FBLN1: variants seen among roughly 807,000 people sequenced by gnomAD.
The protein encoded by FBLN1 is fibulin 1.
In FBLN1, 34 loss-of-function variants were observed where a neutral mutation model predicts 89.7. The ratio of observed to expected loss-of-function variants is 0.38; its 90% CI spans 0.29 to 0.50. FBLN1 has a LOEUF of 0.50. Ranked by LOEUF, FBLN1 falls within the 20% of genes least tolerant of loss-of-function variation. FBLN1 has a pLI of 0.92. For synonymous variants in FBLN1, 393 were observed against 391.3 expected, an observed-to-expected ratio of 1.00 and a Z score of -0.05; for missense variants, 777 against 988.1, an observed-to-expected ratio of 0.79 and a Z score of 2.86.
At chr22:45,596,828 AATT>A (rs1424010026) in intron 16 of FBLN1, among the ~76,000 whole-genome samples, 6 of 143,084 alleles carry the variant, frequency 4.2e-5, no homozygotes, top group Non-Finnish European at 7.5e-5. Context: ...ATTATATAAT[AATT>A]ATATAAATTT....
rs1350574469 is a variant in FBLN1, at chr22:45,550,020, C to A, written c.1574-472C>A. 6.6e-6 allele frequency among the ~76,000 whole-genome samples: 1 copy of A among 152,294 alleles called. No homozygotes were observed. Among genetic ancestry groups the A allele is most frequent in the South Asian group, 2.1e-4 (1 of 4,822 alleles). ...GGTAAGGGTGCTGAGCCTCGGGAGC[C>A]ACAGAGAGGCTCTGGTTAGTTAGTG... On this transcript the variant is annotated intron_variant, in intron 13 of 16. Coordinates refer to ENST00000327858, the MANE Select transcript of FBLN1 (RefSeq NM_006486.3). This position sits in a 1 kb window ranked among gnomAD's most constrained non-coding sequence, Gnocchi z 8.4.
At chr22:45,544,849 G>C (rs2088606157) in intron 11 of FBLN1, among the ~76,000 whole-genome samples, 1 of 152,156 alleles carries the variant, frequency 6.6e-6, no homozygotes, top group Non-Finnish European at 1.5e-5. Context: ...CTGCATGTCA[G>C]CCCAGGGCCT....
chr22:45,550,679 C>T lies in FBLN1; in HGVS notation c.1697+64C>T, dbSNP rs768456619. The T allele has an allele frequency of 6.6e-5, 107 of 1,612,056 alleles. No individual in the cohort carries two copies. Among genetic ancestry groups the T allele is most frequent in the East Asian group, 2.2e-4 (10 of 44,878 alleles). ...TTGGCCTTCCTGGTGACCCAGTTCC[C>T]GGGTGGGTGGGTTATCAGGCTGTGA... is the stretch of plus-strand genomic sequence containing the variant. On this transcript the variant is annotated intron_variant, in intron 14 of 16. Transcript: ENST00000327858. The surrounding 1 kb of genome is among the most constrained non-coding windows in gnomAD (Gnocchi z 8.4).
rs1441788681 is a variant in FBLN1 at position 45,556,646 on chromosome 22, A to G, written c.1697+6031A>G. Among the ~76,000 whole-genome samples the G allele has an allele frequency of 6.6e-6, 1 of 152,030 alleles. No homozygotes were observed. Among genetic ancestry groups the G allele is most frequent in the African/African-American group, 2.4e-5 (1 of 41,402 alleles). ...ATCTTCATTTTGGAGTAGTAGACTG[A>G]TTTCATCTTGATAGTCTGGGTCAGC... On this transcript the variant is annotated intron_variant, in intron 14 of 16. Transcript: ENST00000327858. The surrounding 1 kb of genome is among the most constrained non-coding windows in gnomAD (Gnocchi z 4.6).
intron 3 of FBLN1, among the ~76,000 whole-genome samples, chr22:45,526,555 T>TA (rs56146060): frequency 0.88 from 133,915 of 152,036 alleles, 59,185 homozygotes; most frequent in Middle Eastern, 0.94. Flanking sequence ...TTCCCGTTCC[T>TA]TTTAGGAAGG....
At chr22:45,521,543 C>T (rs924269290) in intron 2 of FBLN1, among the ~76,000 whole-genome samples, 3 of 152,260 alleles carry the variant, frequency 2.0e-5, no homozygotes, top group African/African-American at 7.2e-5. Context: ...CCCTCCAGCC[C>T]TTCCTGTGTG....
Position 45,596,318 on chromosome 22 carries a change from C to T in FBLN1, c.1973-3989C>T, listed in dbSNP as rs144920655. On this transcript the variant is annotated intron_variant, in intron 16 of 16. Coordinates refer to ENST00000327858, the MANE Select transcript of FBLN1 (RefSeq NM_006486.3). ...CTACTTAGAACGTCTGTGGCAGGTCCCTGTCCCACATGGAGCTCACTGCAT... is the reference window on the plus strand; with the variant it reads ...CTACTTAGAACGTCTGTGGCAGGTCTCTGTCCCACATGGAGCTCACTGCAT... 7.3e-3 allele frequency among the ~76,000 whole-genome samples: 1,117 copies of T among 152,254 alleles called. 23 individuals carry two copies. The highest frequency in any genetic ancestry group is 0.024 in the African/African-American group (1,015 of 41,534).
At chr22:45,547,852 G>A (rs2088652346) in intron 12 of FBLN1, among the ~76,000 whole-genome samples, 1 of 152,062 alleles carries the variant, frequency 6.6e-6, no homozygotes. Flanking sequence ...CTTGGTGGTG[G>A]TGCATGGCTG....
rs1026249993 is a variant in FBLN1 at position 45,530,289 on chromosome 22, G to A, written c.485-976G>A. Among the ~76,000 whole-genome samples the A allele has an allele frequency of 6.6e-6, 1 of 152,086 alleles. No homozygotes were observed. The highest frequency in any genetic ancestry group is 1.5e-5 in the Non-Finnish European group (1 of 68,024). On this transcript the variant is annotated intron_variant, in intron 4 of 16. Coordinates refer to ENST00000327858, the MANE Select transcript of FBLN1 (RefSeq NM_006486.3). This position sits in a 1 kb window ranked among gnomAD's most constrained non-coding sequence, Gnocchi z 5.4. Reference sequence around the variant, plus strand: ...CGGGGGTGGATTTTCACTGATTTATGTCTGCAGCGTGAGCAGTCTCTGGGC... The same window carrying A: ...CGGGGGTGGATTTTCACTGATTTATATCTGCAGCGTGAGCAGTCTCTGGGC...
Position 45,518,734 on chromosome 22 carries a change from C to T in FBLN1, c.132C>T (p.Ala44=), listed in dbSNP as rs1326130141. The change falls in exon 2 of 17, where the codon GCC becomes GCT. Residue 44 remains alanine (A), a synonymous_variant. Transcript: ENST00000327858. ...EACCADGHRM[A]THQKDCSLPY... ...GCTGTGCGGACGGACACCGGATGGC[C>T]ACTCATCAGAAGGACTGCTCGCTGC... 1.9e-6 allele frequency: 3 copies of T among 1,612,430 alleles called. No homozygotes were observed. Among genetic ancestry groups the T allele is most frequent in the East Asian group, 2.2e-5 (1 of 44,812 alleles).
chr22:45,507,058 C>T (rs1035877476), intron 1 of FBLN1, among the ~76,000 whole-genome samples: 1 of 152,142 alleles, frequency 6.6e-6, no homozygotes, highest in African/African-American at 2.4e-5. Context: ...GGGGGAACCA[C>T]TGTGTCAACT....
intron 16 of FBLN1, among the ~76,000 whole-genome samples, chr22:45,596,664 A>G (rs900875207): frequency 2.7e-5 from 4 of 146,532 alleles, no homozygotes; most frequent in African/African-American, 7.6e-5. Flanking sequence ...TAATATAATT[A>G]TGTACATATA....
In FBLN1 at chr22:45,562,897, C is replaced by T. The variant is rs1201769534; in HGVS notation, c.1698-11614C>T. 6.2e-7 allele frequency: 1 copy of T among 1,612,488 alleles called. No individual in the cohort carries two copies. The highest frequency in any genetic ancestry group is 8.5e-7 in the Non-Finnish European group (1 of 1,179,592). On this transcript the variant is annotated intron_variant, in intron 14 of 16. Coordinates refer to ENST00000327858, the MANE Select transcript of FBLN1 (RefSeq NM_006486.3). The surrounding 1 kb of genome is among the most constrained non-coding windows in gnomAD (Gnocchi z 7.8). Reference sequence around the variant, plus strand: ...CCTAACCCTCTTCTTGTCTCTCTGCCCACTTTTCTTGCAGCCGCTGTGAGC... The same window carrying T: ...CCTAACCCTCTTCTTGTCTCTCTGCTCACTTTTCTTGCAGCCGCTGTGAGC...
Position 45,563,001 on chromosome 22 carries a change from A to G in FBLN1, c.1698-11510A>G. 1 of 1,613,296 alleles carries G rather than the reference A, an allele frequency of 6.2e-7. No individual in the cohort carries two copies. On this transcript the variant is annotated intron_variant, in intron 14 of 16. Coordinates refer to ENST00000327858, the MANE Select transcript of FBLN1 (RefSeq NM_006486.3). The surrounding 1 kb of genome is among the most constrained non-coding windows in gnomAD (Gnocchi z 5.7). ...TACTACCACCTCTCTTTCCCCACCA[A>G]CATCCAAGCGCCCGCGGTGGTTTTC...
intron 16 of FBLN1, among the ~76,000 whole-genome samples, chr22:45,584,003 G>C (rs971914757): frequency 1.3e-5 from 2 of 152,164 alleles, no homozygotes; most frequent in African/African-American, 2.4e-5. Flanking sequence ...TCTTTGGGTT[G>C]TATCCAGCTG....
In FBLN1 at chr22:45,574,906, C is replaced by A. The variant is rs1457040827; in HGVS notation, c.1840+253C>A. Reference sequence around the variant, plus strand: ...ACGCCATTCTCCTGCCTCAGCCTTCCGAGTAGCTGGGACTACAGGCGCCCG... The same window carrying A: ...ACGCCATTCTCCTGCCTCAGCCTTCAGAGTAGCTGGGACTACAGGCGCCCG... On this transcript the variant is annotated intron_variant, in intron 15 of 16. Coordinates refer to ENST00000327858, the MANE Select transcript of FBLN1 (RefSeq NM_006486.3). This position sits in a 1 kb window ranked among gnomAD's most constrained non-coding sequence, Gnocchi z 4.1. 6.6e-6 allele frequency among the ~76,000 whole-genome samples: 1 copy of A among 151,838 alleles called. No individual in the cohort carries two copies.
intron 2 of FBLN1, 69 bp from the exon 3 acceptor site, chr22:45,525,474 C>A (rs1296565430): frequency 2.1e-6 from 3 of 1,451,384 alleles, no homozygotes; most frequent in Admixed American, 2.0e-5. Flanking sequence ...AGCACCCCCA[C>A]CCCCGAGGAT....
Position 45,550,458 on chromosome 22 carries a change from T to C in FBLN1, c.1574-34T>C, listed in dbSNP as rs761636493. The C allele has an allele frequency of 1.9e-6, 3 of 1,613,508 alleles. No individual in the cohort carries two copies. The highest frequency in any genetic ancestry group is 2.5e-6 in the Non-Finnish European group (3 of 1,179,876). On this transcript the variant is annotated intron_variant, in intron 13 of 16. Coordinates refer to ENST00000327858, the MANE Select transcript of FBLN1 (RefSeq NM_006486.3). This position sits in a 1 kb window ranked among gnomAD's most constrained non-coding sequence, Gnocchi z 8.4. ...AGATGGGTATGGCTCCTGCAGCCTC[T>C]GCCTTCACTGTGCTGCTGTGGGGTC...
intron 9 of FBLN1, among the ~76,000 whole-genome samples, 170 bp downstream of exon 9, chr22:45,541,542 G>T (rs1407339766): frequency 6.6e-6 from 1 of 152,180 alleles, no homozygotes; most frequent in African/African-American, 2.4e-5. Flanking sequence ...GCCTGGACTG[G>T]TGCACCAGCC....
Sources: allele counts gnomAD v4.1 joint callset (sites outside exome capture counted in the v4.1 genomes callset), GRCh38; gene constraint gnomAD v4.1.1; non-coding constraint Gnocchi (gnomAD v3.1); transcripts MANE v1.5; gene names NCBI Gene and HGNC (gene_info 2026-07-23, HGNC 2026-07-21).